Variants in SLC26A11 observed in about 807,000 individuals in gnomAD.
SLC26A11 encodes solute carrier family 26 member 11, also known as sodium-independent sulfate anion transporter.
Under a neutral mutation model 62.2 loss-of-function variants are expected in SLC26A11, and 58 were observed. That is an observed-to-expected ratio of 0.93 (90% CI 0.76 to 1.16). The LOEUF (loss-of-function observed/expected upper bound fraction) is 1.16, where lower values mean the gene tolerates loss of function less well. SLC26A11 is among the 50% of genes most tolerant of loss of function. SLC26A11 has a pLI of 0.00. For synonymous variants in SLC26A11, 411 were observed against 368.9 expected, an observed-to-expected ratio of 1.11 and a Z score of -1.31; for missense variants, 790 against 794.3, an observed-to-expected ratio of 0.99 and a Z score of 0.06.
In SLC26A11 at chr17:80,237,739, T is replaced by C. The variant is rs954987686; in HGVS notation, c.985+145T>C. 4.0e-5 allele frequency: 30 copies of C among 745,978 alleles called. 1 individual carries two copies. In the East Asian group the frequency reaches 7.4e-4, roughly 18 times the overall value. The allele number at this position is 745,978 out of a possible 1,614,324, so 46.2% of individuals were successfully genotyped here. A position where few individuals can be genotyped will look rare whatever the true frequency, so the allele number is the denominator to read the frequency against. On this transcript the variant is annotated intron_variant, in intron 9 of 17. Transcript: ENST00000361193. ...AATACATGCTCATGATAGATACATATGTATTGTGTATATATGATAAAACTG... is the reference window on the plus strand; with the variant it reads ...AATACATGCTCATGATAGATACATACGTATTGTGTATATATGATAAAACTG...
rs1393380815 is a variant in SLC26A11 at position 80,249,152 on chromosome 17, A to G, written c.1523-2A>G. The stretch of plus-strand genomic sequence containing the variant: ...TGACCTGGCTCGGGCCTGTCTCCCC[A>G]GTGTCCCCGCCACGCTGCCTGGTCC... On this transcript the variant is annotated splice_acceptor_variant, in intron 15 of 17. Transcript: ENST00000361193. LOFTEE classifies it high-confidence loss of function. 5 of 1,604,724 alleles carry G rather than the reference A, an allele frequency of 3.1e-6. No individual in the cohort carries two copies. The highest frequency in any genetic ancestry group is 2.2e-5 in the East Asian group (1 of 44,782).
At chr17:80,220,594 G>A (rs1267879828) in intron 1 of SLC26A11, 98 bp downstream of exon 1, 3 of 370,374 alleles carry the variant, frequency 8.1e-6, no homozygotes, top group African/African-American at 6.4e-5. Flanking sequence ...GGGGGCCAGC[G>A]CGGAGTCCTG....
intron 16 of SLC26A11, among the ~76,000 whole-genome samples, chr17:80,249,509 G>A (rs2043102904): frequency 6.6e-6 from 1 of 152,240 alleles, no homozygotes; most frequent in Middle Eastern, 3.2e-3. Flanking sequence ...GAGGGGTCAC[G>A]TTATGGCTTC....
In SLC26A11 at chr17:80,248,188, C is replaced by G. The variant is rs369568037; in HGVS notation, c.1353C>G (p.Tyr451Ter). 3 of 1,608,706 alleles carry G rather than the reference C, an allele frequency of 1.9e-6. No individual in the cohort carries two copies. Among genetic ancestry groups the G allele is most frequent in the Non-Finnish European group, 2.5e-6 (3 of 1,179,794 alleles). The stretch of plus-strand genomic sequence containing the variant: ...TGCTGTGCTTCTGGGAGGTGCAGTA[C>G]GGCATCCTGGCCGGGGCCCTGGTGT... ...TFLLCFWEVQYGILAGALVSL... is the reference protein window; with the variant it reads ...TFLLCFWEVQ The change falls in exon 14 of 18, where the codon TAC becomes TAG. Residue 451 changes from tyrosine (Y) to a stop codon, truncating the protein, a stop_gained. Coordinates refer to ENST00000361193, the MANE Select transcript of SLC26A11 (RefSeq NM_001166347.2). LOFTEE classifies it high-confidence loss of function.
rs115582719 is a variant in SLC26A11, at chr17:80,221,253, G to A, written c.-14+138G>A. 3.1e-3 allele frequency: 1,178 copies of A among 382,220 alleles called. 12 individuals are homozygous for A. The highest frequency in any genetic ancestry group is 0.022 in the African/African-American group (1,059 of 48,126). The allele number at this position is 382,220 out of a possible 1,614,324, so 23.7% of individuals were successfully genotyped here. ...ATTAGTCTTCAGACTTCTCAATGAG[G>A]AATCGCTTATCAGTTTCTTATCTGG... On this transcript the variant is annotated intron_variant, in intron 2 of 17. Transcript: ENST00000361193.
chr17:80,252,615 T>C lies in SLC26A11; in HGVS notation c.1730-10T>C, dbSNP rs764480271. On this transcript the variant is annotated splice_polypyrimidine_tract_variant and intron_variant, in intron 17 of 17. Transcript: ENST00000361193. The surrounding 1 kb of genome is among the most constrained non-coding windows in gnomAD (Gnocchi z 5.2). The stretch of plus-strand genomic sequence containing the variant: ...TTTAGTGCTTGAAACATTTATTGTA[T>C]TTTCTGCAGAGAAGCACCTGAGGCA... The C allele has an allele frequency of 8.7e-6, 14 of 1,613,034 alleles. No homozygotes were observed. Among genetic ancestry groups the C allele is most frequent in the African/African-American group, 1.3e-5 (1 of 74,888 alleles).
chr17:80,224,318 T>TGA (rs139381467), intron 5 of SLC26A11, among the ~76,000 whole-genome samples: 15 of 146,786 alleles, frequency 1.0e-4, no homozygotes, highest in African/African-American at 3.6e-4. Context: ...TGAGAGAGTG[T>TGA]GAGTGTGTAT....
At position 80,221,560 on chromosome 17, in the gene SLC26A11, G is replaced by A; in HGVS notation, c.-1G>A. 2 of 1,588,994 alleles carry A rather than the reference G, an allele frequency of 1.3e-6. No individual in the cohort carries two copies. Among genetic ancestry groups the A allele is most frequent in the Non-Finnish European group, 1.7e-6 (2 of 1,171,902 alleles). On this transcript the variant is annotated 5_prime_UTR_variant, in exon 3 of 18. Transcript: ENST00000361193. ...CTGCACCCCCCAGCCCCACCGTAGA[G>A]ATGCCTTCTTCGGTGACGGCGCTGG...
intron 1 of SLC26A11, 142 bp downstream of exon 1, chr17:80,220,638 C>T (rs1411654642): frequency 3.6e-6 from 1 of 278,730 alleles, no homozygotes; most frequent in Non-Finnish European, 6.7e-6. Flanking sequence ...ACCACTCCCC[C>T]GCCGCGTCCC....
chr17:80,232,500 C>T (rs2042590339), intron 7 of SLC26A11, among the ~76,000 whole-genome samples: 1 of 152,190 alleles, frequency 6.6e-6, no homozygotes, highest in East Asian at 1.9e-4. Context: ...AGTGATCCAC[C>T]TGCCTTGGCC....
rs2043193292 is a variant in SLC26A11 at position 80,253,183 on chromosome 17, C to A, written c.*467C>A. Reference sequence around the variant, plus strand: ...TCTCCGAGAGAAAACCAAGGTGTGTCAAATGACGTCAAGTCTCTATTTAAA... The same window carrying A: ...TCTCCGAGAGAAAACCAAGGTGTGTAAAATGACGTCAAGTCTCTATTTAAA... On this transcript the variant is annotated 3_prime_UTR_variant, in exon 18 of 18. Coordinates refer to ENST00000361193, the MANE Select transcript of SLC26A11 (RefSeq NM_001166347.2). 6.5e-6 allele frequency: 1 copy of A among 152,724 alleles called. No homozygotes were observed. The highest frequency in any genetic ancestry group is 6.5e-5 in the Admixed American group (1 of 15,296). The allele number at this position is 152,724 out of a possible 1,614,324, so 9.5% of individuals were successfully genotyped here. A position where few individuals can be genotyped will look rare whatever the true frequency, so the allele number is the denominator to read the frequency against.
rs188773399 is a variant in SLC26A11 at position 80,237,533 on chromosome 17, C to A, written c.924C>A (p.Ala308=). ...CTCTCCTCTCTCAGGACATGGGAGC[C>A]GGGCTGGCCGTGGTGCCCCTGATGG... ...SFTEMVQDMG[A]GLAVVPLMGL... Residue 308 remains alanine (A), a synonymous_variant, in exon 9 of 18, where the codon GCC becomes GCA. Coordinates refer to ENST00000361193, the MANE Select transcript of SLC26A11 (RefSeq NM_001166347.2). 1.6e-4 allele frequency: 262 copies of A among 1,610,888 alleles called. 1 individual carries two copies. Among genetic ancestry groups the A allele is most frequent in the South Asian group, 1.2e-3 (108 of 89,970 alleles).
At chr17:80,224,195 G>A (rs1311978335) in intron 5 of SLC26A11, among the ~76,000 whole-genome samples, 2 of 133,358 alleles carry the variant, frequency 1.5e-5, no homozygotes, top group East Asian at 2.3e-4. Context: ...GTGTATGAGT[G>A]TGTGTGAGTG....
intron 16 of SLC26A11, among the ~76,000 whole-genome samples, chr17:80,249,700 G>A (rs1452675632): frequency 1.3e-5 from 2 of 152,188 alleles, no homozygotes; most frequent in Non-Finnish European, 2.9e-5. Flanking sequence ...GAGGTCAGGA[G>A]TTCAAGACCA....
chr17:80,248,206 C>T lies in SLC26A11; in HGVS notation c.1371C>T (p.Ala457=). ...TGCAGTACGGCATCCTGGCCGGGGC[C>T]CTGGTGTCTCTGCTCATGCTCCTGC... ...WEVQYGILAG[A]LVSLLMLLHS... The change falls in exon 14 of 18, where the codon GCC becomes GCT. Residue 457 remains alanine, a synonymous_variant. Coordinates refer to ENST00000361193, the MANE Select transcript of SLC26A11 (RefSeq NM_001166347.2). 1.2e-6 allele frequency: 2 copies of T among 1,609,736 alleles called. No homozygotes were observed. The highest frequency in any genetic ancestry group is 1.7e-6 in the Non-Finnish European group (2 of 1,179,682).
intron 7 of SLC26A11, among the ~76,000 whole-genome samples, chr17:80,231,944 G>C (rs1598808366): frequency 6.6e-6 from 1 of 152,154 alleles, no homozygotes; most frequent in Non-Finnish European, 1.5e-5. Flanking sequence ...ATGTCAGTTA[G>C]GTCTGGTTGG....
At chr17:80,250,108 G>C (rs1329005090) in intron 16 of SLC26A11, among the ~76,000 whole-genome samples, 1 of 152,174 alleles carries the variant, frequency 6.6e-6, no homozygotes, top group African/African-American at 2.4e-5. Flanking sequence ...CATCCCAGGG[G>C]TGTGGCCAGT....
At chr17:80,250,948 C>G (rs574049849) in intron 16 of SLC26A11, among the ~76,000 whole-genome samples, 3 of 152,014 alleles carry the variant, frequency 2.0e-5, no homozygotes, top group African/African-American at 7.2e-5. Context: ...TGAGACCAGC[C>G]TGGGCAACAT....
chr17:80,227,960 G>A lies in SLC26A11; in HGVS notation c.736G>A (p.Ala246Thr), dbSNP rs747512623. ...SRGLVWAATT[A>T]RNALVVSFAA... ...TGGGCTGGTCTGGGCTGCCACGACAGGTGAGGGGCCTCTGGCTGACATCTT... is the reference window on the plus strand; with the variant it reads ...TGGGCTGGTCTGGGCTGCCACGACAAGTGAGGGGCCTCTGGCTGACATCTT... The change falls in exon 7 of 18, where the codon GCT (alanine) becomes ACT (threonine). Residue 246 changes from alanine to threonine, a missense_variant and splice_region_variant. Transcript: ENST00000361193. 1 of 1,599,576 alleles carries A rather than the reference G, an allele frequency of 6.3e-7. No homozygotes were observed. Among genetic ancestry groups the A allele is most frequent in the South Asian group, 1.1e-5 (1 of 91,028 alleles).
Sources: gnomAD v4.1 joint callset for allele counts (sites outside exome capture counted in the v4.1 genomes callset) on GRCh38, gnomAD v4.1.1 for gene constraint, Gnocchi (gnomAD v3.1) non-coding constraint, MANE v1.5 for transcripts, NCBI Gene and HGNC (gene_info 2026-07-23, HGNC 2026-07-21) for gene names.